Variants in GARIN1B observed in about 807,000 individuals in gnomAD.
GARIN1B encodes Golgi-associated RAB2 interactor protein 1B.
chr7:128,722,515 C>G, the GARIN1B span, among the ~76,000 whole-genome samples: 1 of 152,142 alleles, frequency 6.6e-6, no homozygotes, highest in South Asian at 2.1e-4. Flanking sequence ...AGTTTTAAAA[C>G]ACCAATTAGG....
At chr7:128,709,166 A>G in the GARIN1B span, 16 of 152,370 alleles carry the variant, frequency 1.1e-4, no homozygotes, top group African/African-American at 3.8e-4. Context: ...AAGGGCAGAG[A>G]TAACTGTATC....
chr7:128,727,707 C>A, the GARIN1B span, among the ~76,000 whole-genome samples: 1 of 152,172 alleles, frequency 6.6e-6, no homozygotes. Context: ...TTTGCTCCAG[C>A]AAACCTTAGC....
At chr7:128,714,783 T>G in the GARIN1B span, among the ~76,000 whole-genome samples, 1 of 152,098 alleles carries the variant, frequency 6.6e-6, no homozygotes, top group African/African-American at 2.4e-5. Context: ...GAGCTGCTCA[T>G]CGGGGTTCTA....
At chr7:128,714,059 C>G in the GARIN1B span, 2 of 1,535,450 alleles carry the variant, frequency 1.3e-6, no homozygotes, top group Non-Finnish European at 1.7e-6. Flanking sequence ...GTTTACTGAG[C>G]CAGGAGCTAT....
At chr7:128,723,612 C>G in the GARIN1B span, among the ~76,000 whole-genome samples, 1 of 148,600 alleles carries the variant, frequency 6.7e-6, no homozygotes, top group Non-Finnish European at 1.5e-5. Flanking sequence ...AGGGTTCAAG[C>G]GATTCTCCCG....
the GARIN1B span, among the ~76,000 whole-genome samples, chr7:128,724,464 T>C: frequency 2.0e-5 from 3 of 152,168 alleles, no homozygotes; most frequent in Non-Finnish European, 2.9e-5. Context: ...TTTCTTAATA[T>C]AGAGTCTGTT....
At chr7:128,723,313 G>A in the GARIN1B span, 1 of 1,611,908 alleles carries the variant, frequency 6.2e-7, no homozygotes, top group Non-Finnish European at 8.5e-7. Context: ...AGCAGAACCA[G>A]TTGAGGTACA....
At chr7:128,729,169 G>A in the GARIN1B span, among the ~76,000 whole-genome samples, 1 of 152,024 alleles carries the variant, frequency 6.6e-6, no homozygotes, top group Non-Finnish European at 1.5e-5. Context: ...TTTCTCATTC[G>A]GCGAGGGAGT....
chr7:128,727,353 G>T, the GARIN1B span, among the ~76,000 whole-genome samples: 1 of 152,302 alleles, frequency 6.6e-6, no homozygotes, highest in African/African-American at 2.4e-5. Context: ...TGTGCCTAGG[G>T]TGCCAAAGGA....
chr7:128,725,071 T>C, the GARIN1B span: 1 of 248,936 alleles, frequency 4.0e-6, no homozygotes, highest in Non-Finnish European at 7.9e-6. Flanking sequence ...TAGAGGCAAA[T>C]TGTAAGTAAG....
At chr7:128,731,741 C>G in the GARIN1B span, 1 of 153,974 alleles carries the variant, frequency 6.5e-6, no homozygotes, top group Non-Finnish European at 1.4e-5. Flanking sequence ...TTCATTCCTT[C>G]TTTGTTGGCC....
chr7:128,718,918 T>C, the GARIN1B span: 3 of 1,614,080 alleles, frequency 1.9e-6, no homozygotes, highest in Non-Finnish European at 2.5e-6. Flanking sequence ...AGAAGATTTA[T>C]TACCTAAAGC....
the GARIN1B span, among the ~76,000 whole-genome samples, chr7:128,719,465 A>G: frequency 1.3e-5 from 2 of 151,432 alleles, no homozygotes; most frequent in Admixed American, 1.3e-4. Context: ...CCCCTCGCCC[A>G]TTTGCAGTCA....
At chr7:128,725,926 G>A in the GARIN1B span, among the ~76,000 whole-genome samples, 4 of 152,302 alleles carry the variant, frequency 2.6e-5, no homozygotes, top group Non-Finnish European at 5.9e-5. Flanking sequence ...GGAGGCTAAG[G>A]TCTGAAGGAG....
the GARIN1B span, among the ~76,000 whole-genome samples, chr7:128,714,644 A>C: frequency 6.6e-6 from 1 of 152,034 alleles, no homozygotes; most frequent in Non-Finnish European, 1.5e-5. Flanking sequence ...AATGGCCTTG[A>C]ATAGTGGTCA....
the GARIN1B span, among the ~76,000 whole-genome samples, chr7:128,725,338 TTTCCTTCCTTCCTTCCTTCC>T: frequency 6.0e-4 from 89 of 149,520 alleles, 1 homozygote; most frequent in South Asian, 8.8e-3. Context: ...ATCAAATCAC[TTTCCTTCCTTCCTTCCTTCC>T]TTCCTTCCTT....
At chr7:128,716,486 T>C in the GARIN1B span, among the ~76,000 whole-genome samples, 1 of 152,140 alleles carries the variant, frequency 6.6e-6, no homozygotes, top group Non-Finnish European at 1.5e-5. Context: ...AAATGGGTGG[T>C]TGAAATATTG....
chr7:128,726,748 GA>G, the GARIN1B span: 1 of 1,529,468 alleles, frequency 6.5e-7, no homozygotes, highest in South Asian at 1.1e-5. Flanking sequence ...AGGAACTTTG[GA>G]ACAAGATCTG....
chr7:128,722,307 T>C, the GARIN1B span, among the ~76,000 whole-genome samples: 20 of 152,322 alleles, frequency 1.3e-4, no homozygotes, highest in Non-Finnish European at 1.5e-4. Context: ...CAGGGGTTTC[T>C]GTTTGTCTTC....
Sources: allele counts gnomAD v4.1 joint callset (sites outside exome capture counted in the v4.1 genomes callset), GRCh38; gene constraint gnomAD v4.1.1; transcripts MANE v1.5; gene names NCBI Gene and HGNC (gene_info 2026-07-23, HGNC 2026-07-21).